Variants in SEL1L2 observed in about 807,000 individuals in gnomAD.
SEL1L2 encodes the protein SEL1L2 adaptor subunit of SYVN1 ubiquitin ligase.
In SEL1L2, 89 loss-of-function variants were observed where a neutral mutation model predicts 98.8. The ratio of observed to expected loss-of-function variants is 0.90; its 90% CI spans 0.76 to 1.07. The LOEUF is 1.07. Ranked by LOEUF, SEL1L2 falls within the 50% of genes least tolerant of loss-of-function variation. SEL1L2 has a pLI of 0.00. For synonymous variants in SEL1L2, 262 were observed against 278.5 expected (o/e 0.94, Z 0.59); for missense variants, 788 against 812.0 (o/e 0.97, Z 0.36).
intron 3 of SEL1L2, among the ~76,000 whole-genome samples, chr20:13,923,303 T>C (rs2048740125): frequency 6.6e-6 from 1 of 152,240 alleles, no homozygotes; most frequent in African/African-American, 2.4e-5. Context: ...TATGACACTT[T>C]CCAGACATAA....
intron 2 of SEL1L2, among the ~76,000 whole-genome samples, chr20:13,937,624 G>A (rs1270817639): frequency 1.3e-5 from 2 of 152,170 alleles, no homozygotes; most frequent in Non-Finnish European, 2.9e-5. Flanking sequence ...GCTGAACTAA[G>A]GAGCAAAATT....
intron 5 of SEL1L2, among the ~76,000 whole-genome samples, chr20:13,898,393 G>C (rs2047514763): frequency 1.3e-5 from 2 of 152,254 alleles, no homozygotes; most frequent in African/African-American, 4.8e-5. Context: ...GCTGAAAACA[G>C]GAGTATTAGA....
intron 2 of SEL1L2, among the ~76,000 whole-genome samples, chr20:13,935,365 A>C (rs2049401132): frequency 6.6e-6 from 1 of 152,218 alleles, no homozygotes. Flanking sequence ...ATTTTCTGCC[A>C]GGGAAGATAA....
At chr20:13,904,400 A>T (rs1416699874) in intron 5 of SEL1L2, among the ~76,000 whole-genome samples, 1 of 152,020 alleles carries the variant, frequency 6.6e-6, no homozygotes, top group Non-Finnish European at 1.5e-5. Flanking sequence ...TGGTGGTGTG[A>T]GCCTATAATC....
At chr20:13,906,525 C>CA (rs1206030117) in intron 5 of SEL1L2, among the ~76,000 whole-genome samples, 1 of 151,964 alleles carries the variant, frequency 6.6e-6, no homozygotes, top group Non-Finnish European at 1.5e-5. Context: ...ACTTTTAATA[C>CA]AAAAAGAACA....
intron 2 of SEL1L2, among the ~76,000 whole-genome samples, chr20:13,938,159 C>A (rs1406680357): frequency 6.6e-6 from 1 of 151,294 alleles, no homozygotes; most frequent in Non-Finnish European, 1.5e-5. Context: ...CAGCTCACTG[C>A]AACCTCCACC....
chr20:13,902,089 CCATGGCAATGGTAAACTGA>C (rs2148100498), intron 5 of SEL1L2, among the ~76,000 whole-genome samples: 1 of 152,298 alleles, frequency 6.6e-6, no homozygotes, highest in East Asian at 1.9e-4. Context: ...CAGGGTGTTG[CCATGGCAATGGTAAACTGA>C]CATGGCACAC....
At chr20:13,886,006 C>T (rs1277957270) in intron 9 of SEL1L2, among the ~76,000 whole-genome samples, 1 of 150,718 alleles carries the variant, frequency 6.6e-6, no homozygotes, top group Non-Finnish European at 1.5e-5. Context: ...CACTGCACTC[C>T]AGCCCGGGCG....
chr20:13,947,136 C>CCATTA (rs1569021064), intron 2 of SEL1L2, among the ~76,000 whole-genome samples: 16 of 67,360 alleles, frequency 2.4e-4, no homozygotes, highest in Admixed American at 6.3e-4. Flanking sequence ...AGGATCCATT[C>CCATTA]CGGGTGGAGT....
rs1301789458 is a variant in SEL1L2, at chr20:13,990,495, G to T, written c.40C>A (p.Leu14Ile). 6.2e-7 allele frequency: 1 copy of T among 1,612,342 alleles called. No homozygotes were observed. Among genetic ancestry groups the T allele is most frequent in the Admixed American group, 1.7e-5 (1 of 59,914 alleles). Residue 14 changes from leucine (L) to isoleucine (I), a missense_variant, in exon 1 of 20, where the codon CTT (leucine) becomes ATT (isoleucine). Leu to Ile is a conservative substitution (Grantham distance 5). Transcript: ENST00000284951. ...AACTTACTTTTAATTGTGACCCCAAGAATTATCAATATCTCTATTAACAGA... is the reference window on the plus strand; with the variant it reads ...AACTTACTTTTAATTGTGACCCCAATAATTATCAATATCTCTATTAACAGA... Reference protein sequence around the residue: ...LSLLIEILIILGVTIKTIKAE... With the variant: ...LSLLIEILIIIGVTIKTIKAE...
At chr20:13,859,705 G>A (rs1989780498) in intron 17 of SEL1L2, among the ~76,000 whole-genome samples, 1 of 152,086 alleles carries the variant, frequency 6.6e-6, no homozygotes, top group Admixed American at 6.6e-5. Context: ...TTGTTTGTTT[G>A]TTTGTTTGTT....
intron 18 of SEL1L2, among the ~76,000 whole-genome samples, chr20:13,853,913 C>T (rs932378399): frequency 6.6e-6 from 1 of 152,158 alleles, no homozygotes; most frequent in Non-Finnish European, 1.5e-5. Flanking sequence ...TATACACACA[C>T]AAAATACTGT....
chr20:13,873,145 C>T (rs1309648305), intron 12 of SEL1L2, among the ~76,000 whole-genome samples: 1 of 151,830 alleles, frequency 6.6e-6, no homozygotes, highest in Non-Finnish European at 1.5e-5. Context: ...CATGCACCCC[C>T]ATGCCTGGCT....
Position 13,865,454 on chromosome 20 carries a change from C to T in SEL1L2, c.1465G>A (p.Ala489Thr), listed in dbSNP as rs370073922. 1.2e-6 allele frequency: 2 copies of T among 1,614,052 alleles called. No homozygotes were observed. Among genetic ancestry groups the T allele is most frequent in the African/African-American group, 2.7e-5 (2 of 75,032 alleles). The change falls in exon 16 of 20, where the codon GCC (alanine) becomes ACC (threonine). Residue 489 changes from alanine (A) to threonine (T), a missense_variant. By Grantham distance (58) the Ala-to-Thr change is moderately conservative. Coordinates refer to ENST00000284951, the MANE Select transcript of SEL1L2 (RefSeq NM_025229.2). ...WAEKFLTAYF[A>T]YKDGDIDSSL... is the part of the protein sequence containing the mutation. ...GAATCTATATCACCATCCTTATAGG[C>T]AAAGTAAGCTGTCAGGAATTTCTCA...
intron 9 of SEL1L2, 128 bp downstream of exon 9, chr20:13,886,160 A>G: frequency 1.8e-6 from 1 of 540,550 alleles, no homozygotes; most frequent in Non-Finnish European, 3.1e-6. Context: ...GTAGGGTGAG[A>G]GAGGAGGGCG....
At chr20:13,938,519 A>G (rs987389593) in intron 2 of SEL1L2, among the ~76,000 whole-genome samples, 7 of 152,228 alleles carry the variant, frequency 4.6e-5, no homozygotes, top group Admixed American at 2.0e-4. Flanking sequence ...AACTTTTTAA[A>G]CACAAGAAAC....
intron 10 of SEL1L2, among the ~76,000 whole-genome samples, chr20:13,879,807 G>A (rs1026664902): frequency 6.6e-6 from 1 of 152,164 alleles, no homozygotes; most frequent in Non-Finnish European, 1.5e-5. Flanking sequence ...TACTAAATGA[G>A]AGAACACTAA....
At chr20:13,858,437 A>G (rs1989511419) in intron 18 of SEL1L2, among the ~76,000 whole-genome samples, 1 of 152,044 alleles carries the variant, frequency 6.6e-6, no homozygotes, top group African/African-American at 2.4e-5. Flanking sequence ...CGAGCTCCGC[A>G]AGCTGGTTGG....
At chr20:13,931,050 T>A (rs76569039) in intron 3 of SEL1L2, among the ~76,000 whole-genome samples, 1 of 8,782 alleles carries the variant, frequency 1.1e-4, no homozygotes. Context: ...GAGTATCTAT[T>A]TTTTTTTTTT....
Sources: gnomAD v4.1 joint callset for allele counts (sites outside exome capture counted in the v4.1 genomes callset) on GRCh38, gnomAD v4.1.1 for gene constraint, MANE v1.5 for transcripts, NCBI Gene and HGNC (gene_info 2026-07-23, HGNC 2026-07-21) for gene names.